CLSPN: variants seen among roughly 807,000 people sequenced by gnomAD.
CLSPN encodes the protein claspin.
CLSPN carries 85 observed loss-of-function variants against 156.3 expected under a neutral mutation model. The observed-to-expected ratio is 0.54, with a 90% CI of 0.46 to 0.65. CLSPN has a LOEUF of 0.65. Among genes scored for constraint, CLSPN ranks in the 30% least tolerant of loss-of-function variants. CLSPN has a pLI of 0.00. For synonymous variants in CLSPN, 534 were observed against 542.4 expected (o/e 0.98, Z 0.22); for missense variants, 1,407 against 1,554.9 (o/e 0.90, Z 1.60).
Position 35,749,753 on chromosome 1 carries a change from T to C in CLSPN, c.2087A>G (p.Asp696Gly). ...EIETKDEKEM[D>G]KENNDGSSEI... is the part of the protein sequence containing the mutation. The stretch of plus-strand genomic sequence containing the variant: ...ACTACTGCCATCATTATTTTCTTTA[T>C]CCATTTCTTTTTCATCTTTTGTTTC... Residue 696 changes from aspartate to glycine, a missense_variant, in exon 11 of 25, where the codon GAT (aspartate) becomes GGT (glycine). By Grantham distance (94) the Asp-to-Gly change is moderately conservative. Around this residue, in one of 3 missense-constraint regions of CLSPN, gnomAD observed 1,096 missense variants for 1,193.0 expected, o/e 0.92. Coordinates refer to ENST00000318121, the MANE Select transcript of CLSPN (RefSeq NM_022111.4). 1.2e-6 allele frequency: 2 copies of C among 1,614,100 alleles called. No homozygotes were observed. The highest frequency in any genetic ancestry group is 1.6e-4 in the Middle Eastern group (1 of 6,062).
intron 24 of CLSPN, among the ~76,000 whole-genome samples, chr1:35,722,330 C>G (rs1463675172): frequency 1.4e-5 from 2 of 145,892 alleles, no homozygotes; most frequent in African/African-American, 5.1e-5. Context: ...TCTTGGCTCA[C>G]TACAACCTCC....
intron 8 of CLSPN, among the ~76,000 whole-genome samples, chr1:35,754,972 T>TA (rs1642222896): frequency 6.6e-6 from 1 of 152,234 alleles, no homozygotes; most frequent in Non-Finnish European, 1.5e-5. Flanking sequence ...AACCAATCCC[T>TA]ACTCACTCTG....
At chr1:35,769,292 G>A (rs1642778488) in intron 1 of CLSPN, among the ~76,000 whole-genome samples, 1 of 152,238 alleles carries the variant, frequency 6.6e-6, no homozygotes, top group Non-Finnish European at 1.5e-5. Flanking sequence ...AATTTCGCCA[G>A]GGAGCTGCCA....
downstream of CLSPN, among the ~76,000 whole-genome samples, chr1:35,728,077 C>CTTTTTTTTT (rs59275877): frequency 3.1e-4 from 32 of 103,982 alleles, no homozygotes; most frequent in Non-Finnish European, 3.0e-4. Flanking sequence ...AAACCACAAG[C>CTTTTTTTTT]TTTTTTTTTT....
chr1:35,734,005 C>G lies in CLSPN; in HGVS notation c.*2491G>C. Reference sequence around the variant, plus strand: ...AAAAATAAGTTTTTTAAACAAAGAGCTATAATAGAAGGTACCATTTATGTA... The same window carrying G: ...AAAAATAAGTTTTTTAAACAAAGAGGTATAATAGAAGGTACCATTTATGTA... On this transcript the variant is annotated 3_prime_UTR_variant, in exon 25 of 25. Transcript: ENST00000318121. 1 of 985,300 alleles carries G rather than the reference C, an allele frequency of 1.0e-6. No homozygotes were observed. Among genetic ancestry groups the G allele is most frequent in the Non-Finnish European group, 1.2e-6 (1 of 829,834 alleles). The allele number at this position is 985,300 out of a possible 1,614,324, so 61.0% of individuals were successfully genotyped here. A position where few individuals can be genotyped will look rare whatever the true frequency, so the allele number is the denominator to read the frequency against.
At chr1:35,754,998 C>G (rs895541599) in intron 8 of CLSPN, among the ~76,000 whole-genome samples, 9 of 152,182 alleles carry the variant, frequency 5.9e-5, no homozygotes, top group African/African-American at 2.2e-4. Flanking sequence ...CACTTCATAT[C>G]ATAATGGAAT....
Position 35,747,954 on chromosome 1 carries a change from C to A in CLSPN, c.2580G>T (p.Gln860His). The change falls in exon 14 of 25, where the codon CAG becomes CAT. Residue 860 changes from glutamine to histidine, a missense_variant. Coordinates refer to ENST00000318121, the MANE Select transcript of CLSPN (RefSeq NM_022111.4). ...KTLFLGAGDFQFCLEDDTQSQ... is the reference protein window; with the variant it reads ...KTLFLGAGDFHFCLEDDTQSQ... ...TCTGAGTGTCATCTTCTAAACAGAA[C>A]TGGAAGTCTCCTGCTCCTAGGAAAA... 6.2e-7 allele frequency: 1 copy of A among 1,614,194 alleles called. No homozygotes were observed. The highest frequency in any genetic ancestry group is 1.3e-5 in the African/African-American group (1 of 75,066).
chr1:35,735,421 C>G lies in CLSPN; in HGVS notation c.*1075G>C, dbSNP rs1641431628. On this transcript the variant is annotated 3_prime_UTR_variant, in exon 25 of 25. Coordinates refer to ENST00000318121, the MANE Select transcript of CLSPN (RefSeq NM_022111.4). ...TAGGTCCTCCATCTAAGAAATCGTT[C>G]TTTTGGCTGGGCACAGTGGCTCACG... 1 of 985,230 alleles carries G rather than the reference C, an allele frequency of 1.0e-6. No homozygotes were observed. The highest frequency in any genetic ancestry group is 4.7e-5 in the South Asian group (1 of 21,294). 61.0% of individuals were successfully genotyped at this position (985,230 alleles called of 1,614,324 possible). A position where few individuals can be genotyped will look rare whatever the true frequency, so the allele number is the denominator to read the frequency against.
rs559164988 is a variant in CLSPN, at chr1:35,721,533, G to A, written c.3910-553C>T. On this transcript the variant is annotated intron_variant, in intron 24 of 24. Transcript: ENST00000251195. ...CTCCCGAGTAGCTGGGGTTACAGGC[G>A]CGTGCCACCACACCCGGCTAATTTT... is the stretch of plus-strand genomic sequence containing the variant. Among the ~76,000 whole-genome samples, 14 of 152,102 alleles carry A rather than the reference G, an allele frequency of 9.2e-5. No homozygotes were observed. In the East Asian group the frequency reaches 2.1e-3, roughly 23 times the overall value.
At chr1:35,769,380 A>G (rs902542144) in intron 1 of CLSPN, among the ~76,000 whole-genome samples, 1 of 151,900 alleles carries the variant, frequency 6.6e-6, no homozygotes, top group African/African-American at 2.4e-5. Flanking sequence ...GCGCGCGATG[A>G]CCTCCAGGGC....
chr1:35,730,567 TAAAAAAA>T (rs56320150), downstream of CLSPN, among the ~76,000 whole-genome samples: 2 of 62,028 alleles, frequency 3.2e-5, no homozygotes, highest in African/African-American at 7.0e-5. Context: ...GAATCCATAT[TAAAAAAA>T]AAAAAAAAAA....
chr1:35,763,998 C>T (rs1276433072), intron 3 of CLSPN, among the ~76,000 whole-genome samples: 2 of 152,078 alleles, frequency 1.3e-5, no homozygotes, highest in African/African-American at 4.8e-5. Flanking sequence ...TGGGATCTCA[C>T]TCTGTTGCCT....
At chr1:35,760,220 T>G in intron 8 of CLSPN, 122 bp downstream of exon 8, 1 of 723,124 alleles carries the variant, frequency 1.4e-6, no homozygotes, top group South Asian at 2.0e-5. Flanking sequence ...CTGGAACAAC[T>G]GCAGGATAAG....
chr1:35,734,690 A>AAG lies in CLSPN; in HGVS notation c.*1805_*1806insCT, dbSNP rs745810715. ...CAGCCTATGTCTCAAAAAAAAAAAA[A>AAG]GAAAAGAAAAGAAAAGAAAAAGAAA... On this transcript the variant is annotated 3_prime_UTR_variant, in exon 25 of 25. Transcript: ENST00000318121. 152 of 473,594 alleles carry AAG rather than the reference A, an allele frequency of 3.2e-4. No individual in the cohort carries two copies. The highest frequency in any genetic ancestry group is 3.9e-4 in the Non-Finnish European group (147 of 374,178). The allele number at this position is 473,594 out of a possible 1,614,324, so 29.3% of individuals were successfully genotyped here. A position where few individuals can be genotyped will look rare whatever the true frequency, so the allele number is the denominator to read the frequency against.
At chr1:35,766,303 TAAC>T (rs1642671684) in intron 1 of CLSPN, among the ~76,000 whole-genome samples, 1 of 150,670 alleles carries the variant, frequency 6.6e-6, no homozygotes, top group South Asian at 2.1e-4. Context: ...CCGGTTTCTT[TAAC>T]AATATATTGC....
rs535958912 is a variant in CLSPN, at chr1:35,744,772, C to A, written c.2966+679G>T. On this transcript the variant is annotated intron_variant, in intron 16 of 24. Transcript: ENST00000318121. ...GTCCTGCTTTCACTTTTTTGGGGTA[C>A]AGACTAAGAAGTGAAATTGCTGGAT... Among the ~76,000 whole-genome samples, 20 of 152,230 alleles carry A rather than the reference C, an allele frequency of 1.3e-4. 1 individual carries two copies. The highest frequency in any genetic ancestry group is 4.8e-4 in the African/African-American group (20 of 41,548).
At chr1:35,767,590 G>A (rs184509191) in intron 1 of CLSPN, among the ~76,000 whole-genome samples, 1 of 152,120 alleles carries the variant, frequency 6.6e-6, no homozygotes, top group Non-Finnish European at 1.5e-5. Context: ...CTTCATGCAC[G>A]AAATTATTTT....
At chr1:35,730,881 A>C (rs575653432), downstream of CLSPN, among the ~76,000 whole-genome samples, 112 of 151,992 alleles carry the variant, frequency 7.4e-4, no homozygotes, top group African/African-American at 2.5e-3. Context: ...AAGAATAGGA[A>C]ACTTATACAA....
At position 35,765,307 on chromosome 1, in the gene CLSPN, T is replaced by C. The variant is rs1040521568; in HGVS notation, c.44A>G (p.Asp15Gly). 1 of 1,613,334 alleles carries C rather than the reference T, an allele frequency of 6.2e-7. No homozygotes were observed. Among genetic ancestry groups the C allele is most frequent in the Non-Finnish European group, 8.5e-7 (1 of 1,179,430 alleles). Residue 15 changes from aspartate to glycine, a missense_variant, in exon 2 of 25, where the codon GAC becomes GGC. Transcript: ENST00000318121. ...VGSEVHLEIN[D>G]PNVISQEEAD... ...TTCCTCTTGTGAAATGACGTTTGGG[T>C]CATTGATTTCTAGGTGAACCTAGAA...
Sources: allele counts gnomAD v4.1 joint callset (sites outside exome capture counted in the v4.1 genomes callset), GRCh38; gene constraint gnomAD v4.1.1; regional missense constraint gnomAD v4.1.1; transcripts MANE v1.5; gene names NCBI Gene and HGNC (gene_info 2026-07-23, HGNC 2026-07-21).